GABRA6: variants seen among roughly 807,000 people sequenced by gnomAD.
GABRA6 encodes the protein gamma-aminobutyric acid type A receptor subunit alpha6, also known as gamma-aminobutyric acid receptor subunit alpha-6.
A neutral mutation model predicts 47.3 loss-of-function variants in GABRA6; 45 were observed. The ratio of observed to expected loss-of-function variants is 0.95; its 90% confidence interval spans 0.75 to 1.22. GABRA6 has a LOEUF of 1.22. Among genes scored for constraint, GABRA6 ranks in the 50% most tolerant of loss-of-function variants. GABRA6 has a pLI of 0.00. For missense variants in GABRA6, 583 were observed against 549.3 expected (o/e 1.06, Z -0.61); for synonymous variants, 219 against 194.7 (o/e 1.12, Z -1.04).
Position 161,685,763 on chromosome 5 carries a change from A to G in GABRA6, c.-227A>G. On this transcript the variant is annotated 5_prime_UTR_variant, in exon 1 of 9. Coordinates refer to ENST00000274545, the MANE Select transcript of GABRA6 (RefSeq NM_000811.3). ...TGTCTGCAGGACATAATCTAAGACC[A>G]CAAACCACCTTGTTCCACGTGAGAA... 1 of 602,272 alleles carries G rather than the reference A, an allele frequency of 1.7e-6. No individual in the cohort carries two copies. Among genetic ancestry groups the G allele is most frequent in the Admixed American group, 2.9e-5 (1 of 35,084 alleles). 37.3% of individuals were successfully genotyped at this position (602,272 alleles called of 1,614,324 possible).
intron 8 of GABRA6, among the ~76,000 whole-genome samples, chr5:161,692,785 C>T (rs1484633105): frequency 6.6e-6 from 1 of 152,260 alleles, no homozygotes; most frequent in East Asian, 1.9e-4. Context: ...CAATGGCTTA[C>T]GTTCAGTGAG....
At position 161,690,260 on chromosome 5, in the gene GABRA6, A is replaced by G. The variant is rs775595885; in HGVS notation, c.733A>G (p.Ile245Val). 9.9e-6 allele frequency: 16 copies of G among 1,613,696 alleles called. No homozygotes were observed. The highest frequency in any genetic ancestry group is 1.4e-5 in the Non-Finnish European group (16 of 1,179,668). ...GCAAAGGAAGATGGGCTACTTCATG[A>G]TACAGATATACACTCCTTGCATTAT... is the stretch of plus-strand genomic sequence containing the variant. ...HLQRKMGYFM[I>V]QIYTPCIMTV... Residue 245 changes from isoleucine to valine, a missense_variant, in exon 7 of 9, where the codon ATA (isoleucine) becomes GTA (valine). Transcript: ENST00000274545.
intron 8 of GABRA6, among the ~76,000 whole-genome samples, chr5:161,695,534 G>C (rs1031810539): frequency 6.6e-6 from 1 of 152,000 alleles, no homozygotes; most frequent in Non-Finnish European, 1.5e-5. Context: ...CCTATACTGT[G>C]TGTAAGACCA....
chr5:161,701,428 A>T, intron 8 of GABRA6, 70 bp from the exon 9 acceptor site: 3 of 1,505,722 alleles, frequency 2.0e-6, no homozygotes, highest in Non-Finnish European at 2.8e-6. Flanking sequence ...ATGGTGAAAG[A>T]GTGAATAAAT....
Position 161,689,268 on chromosome 5 carries a change from C to T in GABRA6, c.461C>T (p.Ala154Val). 1 of 1,614,060 alleles carries T rather than the reference C, an allele frequency of 6.2e-7. No homozygotes were observed. The highest frequency in any genetic ancestry group is 8.5e-7 in the Non-Finnish European group (1 of 1,179,914). Residue 154 changes from alanine (A) to valine (V), a missense_variant, in exon 5 of 9, where the codon GCT (alanine) becomes GTT (valine). Physicochemically the swap from Ala to Val is moderately conservative, Grantham distance 64. Coordinates refer to ENST00000274545, the MANE Select transcript of GABRA6 (RefSeq NM_000811.3). ...AATGTTTCTAGGCTTACCATCAATG[C>T]TGACTGTCCCATGAGGCTGGTTAAC... The part of the protein sequence containing the change: ...ILYTMRLTIN[A>V]DCPMRLVNFP...
chr5:161,687,096 G>C, intron 3 of GABRA6, 93 bp downstream of exon 3: 1 of 1,002,922 alleles, frequency 1.0e-6, no homozygotes, highest in South Asian at 1.3e-5. Context: ...GCCAAGCTTG[G>C]CTCCAGATTC....
intron 7 of GABRA6, among the ~76,000 whole-genome samples, chr5:161,691,031 T>A (rs918190148): frequency 6.6e-6 from 1 of 151,980 alleles, no homozygotes; most frequent in Non-Finnish European, 1.5e-5. Context: ...AACATAATGA[T>A]GTTGACCATC....
intron 8 of GABRA6, among the ~76,000 whole-genome samples, chr5:161,697,290 C>G (rs1482895589): frequency 6.6e-6 from 1 of 152,214 alleles, no homozygotes. Flanking sequence ...TACAATAGAG[C>G]AGGAAGGGAC....
At position 161,692,138 on chromosome 5, in the gene GABRA6, G is replaced by T. The variant is rs773925965; in HGVS notation, c.1024G>T (p.Ala342Ser). 1 of 1,614,190 alleles carries T rather than the reference G, an allele frequency of 6.2e-7. No homozygotes were observed. The highest frequency in any genetic ancestry group is 1.1e-5 in the South Asian group (1 of 91,082). The part of the protein sequence containing the change: ...TQKAKRKAQF[A>S]APPTVTISKA... ...GAAGGCCAAAAGGAAGGCACAGTTTGCAGCCCCACCCACAGTGACAATATC... is the reference window on the plus strand; with the variant it reads ...GAAGGCCAAAAGGAAGGCACAGTTTTCAGCCCCACCCACAGTGACAATATC... The change falls in exon 8 of 9, where the codon GCA (alanine) becomes TCA (serine). Residue 342 changes from alanine to serine, a missense_variant. Ala to Ser is a moderately conservative substitution (Grantham distance 99). Coordinates refer to ENST00000274545, the MANE Select transcript of GABRA6 (RefSeq NM_000811.3).
chr5:161,686,102 C>T, intron 1 of GABRA6, 75 bp downstream of exon 1: 1 of 1,465,802 alleles, frequency 6.8e-7, no homozygotes, highest in Non-Finnish European at 9.6e-7. Flanking sequence ...TTGGGTGACT[C>T]CTATATCAAA....
At position 161,686,937 on chromosome 5, in the gene GABRA6, T is replaced by A. The variant is rs1754712464; in HGVS notation, c.159T>A (p.Gly53=). 1.2e-6 allele frequency: 2 copies of A among 1,613,758 alleles called. No individual in the cohort carries two copies. The highest frequency in any genetic ancestry group is 1.3e-5 in the African/African-American group (1 of 74,904). Reference sequence around the variant, plus strand: ...TTCATCCCTCTGGGCTAATTTCAGGTGCTGTCACTGAAGTCAAAACAGACA... The same window carrying A: ...TTCATCCCTCTGGGCTAATTTCAGGAGCTGTCACTGAAGTCAAAACAGACA... ...YDNRLRPGFG[G]AVTEVKTDIY... is the part of the protein sequence containing the mutation. The change falls in exon 3 of 9, where the codon GGT becomes GGA. Residue 53 remains glycine, a splice_region_variant and synonymous_variant. Coordinates refer to ENST00000274545, the MANE Select transcript of GABRA6 (RefSeq NM_000811.3).
chr5:161,701,787 C>T lies in GABRA6; in HGVS notation c.*14C>T, dbSNP rs1408242177. Reference sequence around the variant, plus strand: ...AGTGTTGAATAGCTTGCGGCCAGGACAACCTGAATTCTATAAGTTCTTGTT... The same window carrying T: ...AGTGTTGAATAGCTTGCGGCCAGGATAACCTGAATTCTATAAGTTCTTGTT... On this transcript the variant is annotated 3_prime_UTR_variant, in exon 9 of 9. Coordinates refer to ENST00000274545, the MANE Select transcript of GABRA6 (RefSeq NM_000811.3). 1.2e-6 allele frequency: 2 copies of T among 1,613,406 alleles called. No homozygotes were observed. The highest frequency in any genetic ancestry group is 2.7e-5 in the African/African-American group (2 of 74,920).
chr5:161,694,566 C>G lies in GABRA6; in HGVS notation c.1086+2366C>G, dbSNP rs373657038. Among the ~76,000 whole-genome samples, 116 of 151,926 alleles carry G rather than the reference C, an allele frequency of 7.6e-4. 2 individuals are homozygous for G. In the South Asian group the frequency reaches 0.023, roughly 31 times the overall value. On this transcript the variant is annotated intron_variant, in intron 8 of 8. Transcript: ENST00000274545. ...TTGATATAAACTGTCTCCTATAAAC[C>G]TAAAATAGTAACATATAATGAGTAG...
At chr5:161,692,908 C>T (rs1754818631) in intron 8 of GABRA6, among the ~76,000 whole-genome samples, 1 of 152,116 alleles carries the variant, frequency 6.6e-6, no homozygotes, top group African/African-American at 2.4e-5. Flanking sequence ...AATATGCCCC[C>T]AGATTTCAAT....
At chr5:161,693,708 T>G (rs141738336) in intron 8 of GABRA6, among the ~76,000 whole-genome samples, 4 of 152,086 alleles carry the variant, frequency 2.6e-5, no homozygotes, top group African/African-American at 9.7e-5. Context: ...GTTCTAGCTA[T>G]TCAGGGAACT....
chr5:161,697,830 G>A (rs1420437599), intron 8 of GABRA6, among the ~76,000 whole-genome samples: 1 of 152,098 alleles, frequency 6.6e-6, no homozygotes, highest in Non-Finnish European at 1.5e-5. Context: ...TTGAATTCAG[G>A]TCCTGCCACT....
chr5:161,700,425 G>A (rs1006476788), intron 8 of GABRA6, among the ~76,000 whole-genome samples: 1 of 152,300 alleles, frequency 6.6e-6, no homozygotes, highest in South Asian at 2.1e-4. Context: ...ACAGGATGCA[G>A]ACAAGAAAAG....
At chr5:161,693,144 C>T (rs1311234203) in intron 8 of GABRA6, among the ~76,000 whole-genome samples, 3 of 152,144 alleles carry the variant, frequency 2.0e-5, no homozygotes, top group Non-Finnish European at 4.4e-5. Context: ...CTGAAAACTA[C>T]ACGCAGCCCA....
intron 7 of GABRA6, among the ~76,000 whole-genome samples, chr5:161,691,288 C>CTG (rs1754785461): frequency 1.2e-5 from 1 of 84,710 alleles, no homozygotes; most frequent in Non-Finnish European, 2.1e-5. Flanking sequence ...TTTTTCTTTC[C>CTG]TTTTTTTTTT....
Sources: allele counts gnomAD v4.1 joint callset (sites outside exome capture counted in the v4.1 genomes callset), GRCh38; gene constraint gnomAD v4.1.1; transcripts MANE v1.5; gene names NCBI Gene and HGNC (gene_info 2026-07-23, HGNC 2026-07-21).